PARP15: variants seen among roughly 807,000 people sequenced by gnomAD.
The protein encoded by PARP15 is poly(ADP-ribose) polymerase family member 15, also known as protein mono-ADP-ribosyltransferase PARP15.
In PARP15, 50 loss-of-function variants were observed where a neutral mutation model predicts 62.1. The ratio of observed to expected loss-of-function variants is 0.81; its 90% CI spans 0.64 to 1.02. The LOEUF (loss-of-function observed/expected upper bound fraction) is 1.02. Ranked by LOEUF, PARP15 falls within the 50% of genes least tolerant of loss-of-function variation. The probability of loss-of-function intolerance (pLI) is 0.00; values close to 1 mark genes in which losing one functional copy is unlikely to be tolerated. For synonymous variants in PARP15, 309 were observed against 293.1 expected (o/e 1.05, Z -0.55); for missense variants, 820 against 826.5 (o/e 0.99, Z 0.10).
Position 122,580,484 on chromosome 3 carries a change from T to C in PARP15, c.186+2631T>C, listed in dbSNP as rs184709164. ...TTTTTAAAAATAATGATAAAATGCA[T>C]ATAACATCAGATTTACCGTCTTAAC... is the stretch of plus-strand genomic sequence containing the variant. On this transcript the variant is annotated intron_variant, in intron 1 of 11. Transcript: ENST00000464300. Among the ~76,000 whole-genome samples, 5 of 152,338 alleles carry C rather than the reference T, an allele frequency of 3.3e-5. No individual in the cohort carries two copies. In the East Asian group the frequency reaches 7.7e-4, roughly 23 times the overall value.
intron 8 of PARP15, among the ~76,000 whole-genome samples, chr3:122,625,259 G>A (rs558832509): frequency 6.6e-6 from 1 of 151,834 alleles, no homozygotes; most frequent in East Asian, 1.9e-4. Flanking sequence ...TTGTTTTTTT[G>A]TTGTTGTTTT....
intron 9 of PARP15, among the ~76,000 whole-genome samples, chr3:122,627,780 C>T (rs1386501360): frequency 6.6e-6 from 1 of 152,230 alleles, no homozygotes; most frequent in Non-Finnish European, 1.5e-5. Context: ...AATGTCAGTT[C>T]TCTCTACATT....
At chr3:122,596,632 G>T (rs952037646) in intron 1 of PARP15, among the ~76,000 whole-genome samples, 1 of 152,130 alleles carries the variant, frequency 6.6e-6, no homozygotes, top group African/African-American at 2.4e-5. Context: ...AAAGCATTTA[G>T]AAAATGGAAT....
At chr3:122,635,691 G>A in intron 11 of PARP15, 120 bp from the exon 12 acceptor site, 8 of 1,135,224 alleles carry the variant, frequency 7.0e-6, no homozygotes, top group Non-Finnish European at 9.9e-6. Flanking sequence ...GGGATTACAG[G>A]CATGAGCCAA....
chr3:122,635,250 T>G (rs1386800092), intron 11 of PARP15, 56 bp downstream of exon 11: 4 of 1,532,510 alleles, frequency 2.6e-6, no homozygotes, highest in Middle Eastern at 1.7e-4. Flanking sequence ...GTCTCAGACT[T>G]TTCATACCCA....
Position 122,606,653 on chromosome 3 carries a change from G to A in PARP15, c.306+598G>A, listed in dbSNP as rs573086770. On this transcript the variant is annotated intron_variant, in intron 2 of 11. Coordinates refer to ENST00000464300, the MANE Select transcript of PARP15 (RefSeq NM_001113523.3). ...TCCTGGCTGCAGATCATAATCATCC[G>A]GGGGACCTTTTAAAAATACGGACTC... 5.0e-4 allele frequency among the ~76,000 whole-genome samples: 76 copies of A among 152,202 alleles called. No individual in the cohort carries two copies. In the Middle Eastern group the frequency reaches 0.014, roughly 27 times the overall value.
At chr3:122,589,429 C>A (rs940625082) in intron 1 of PARP15, among the ~76,000 whole-genome samples, 1 of 152,134 alleles carries the variant, frequency 6.6e-6, no homozygotes, top group Non-Finnish European at 1.5e-5. Context: ...TATGTTTTCA[C>A]GCCTCTTGGG....
At chr3:122,629,151 T>C (rs1936912162) in intron 9 of PARP15, among the ~76,000 whole-genome samples, 1 of 151,952 alleles carries the variant, frequency 6.6e-6, no homozygotes, top group Non-Finnish European at 1.5e-5. Flanking sequence ...GAACCAGGGA[T>C]CTTGTTTGTT....
At chr3:122,634,156 G>A (rs1053642175) in intron 10 of PARP15, among the ~76,000 whole-genome samples, 3 of 152,142 alleles carry the variant, frequency 2.0e-5, no homozygotes, top group African/African-American at 4.8e-5. Context: ...TTCTTCCTCT[G>A]TTTCCAGAAC....
At chr3:122,591,630 G>A (rs7644080) in intron 1 of PARP15, among the ~76,000 whole-genome samples, 118,576 of 151,966 alleles carry the variant, frequency 0.78, 46,496 homozygotes, top group East Asian at 0.9. Context: ...GCATGGTGGC[G>A]CATGCCTGTA....
At chr3:122,598,146 A>C (rs1400993811) in intron 1 of PARP15, among the ~76,000 whole-genome samples, 2 of 152,224 alleles carry the variant, frequency 1.3e-5, no homozygotes, top group African/African-American at 4.8e-5. Context: ...AAAAAGGATT[A>C]GGGGATGGGA....
At chr3:122,623,932 G>C (rs1395332017) in intron 8 of PARP15, among the ~76,000 whole-genome samples, 2 of 152,084 alleles carry the variant, frequency 1.3e-5, no homozygotes, top group African/African-American at 4.8e-5. Flanking sequence ...TCACTTGATT[G>C]CTTGAGGTCA....
In PARP15 at chr3:122,635,946, G is replaced by A. The variant is rs780307209; in HGVS notation, c.1883G>A (p.Gly628Glu). ...GTACTTACTGGAGTCTTCACAAAGG[G>A]ACGTGCAGGATTAGTCACCCCTCCA... ...VRVLTGVFTK[G>E]RAGLVTPPPK... Residue 628 changes from glycine (G) to glutamate (E), a missense_variant, in exon 12 of 12, where the codon GGA (glycine) becomes GAA (glutamate). Gly to Glu is a moderately conservative substitution (Grantham distance 98). Transcript: ENST00000464300. The A allele has an allele frequency of 6.2e-7, 1 of 1,614,110 alleles. No homozygotes were observed. Among genetic ancestry groups the A allele is most frequent in the Non-Finnish European group, 8.5e-7 (1 of 1,180,020 alleles).
chr3:122,580,001 A>ATATATATG lies in PARP15; in HGVS notation c.186+2155_186+2156insGTATATAT, dbSNP rs1553725419. Among the ~76,000 whole-genome samples, 36 of 62,176 alleles carry ATATATATG rather than the reference A, an allele frequency of 5.8e-4. 1 individual carries two copies. The highest frequency in any genetic ancestry group is 3.4e-4 in the African/African-American group (7 of 20,484). The allele number at this position is 62,176 out of a possible 152,430, so 40.8% of individuals were successfully genotyped here. Reference sequence around the variant, plus strand: ...CTGAACAACAACAGCAACTATATGTATATATATATATATATATATATATAT... The same window carrying ATATATATG: ...CTGAACAACAACAGCAACTATATGTATATATATGTATATATATATATATATATATATAT... On this transcript the variant is annotated intron_variant, in intron 1 of 11. Coordinates refer to ENST00000464300, the MANE Select transcript of PARP15 (RefSeq NM_001113523.3).
intron 10 of PARP15, among the ~76,000 whole-genome samples, chr3:122,633,243 AG>A (rs1240800943): frequency 6.6e-6 from 1 of 152,236 alleles, no homozygotes; most frequent in Non-Finnish European, 1.5e-5. Context: ...CTCAGTACCT[AG>A]GAAGCTGTCT....
chr3:122,584,152 C>T (rs976335731), intron 1 of PARP15, among the ~76,000 whole-genome samples: 1 of 152,156 alleles, frequency 6.6e-6, no homozygotes, highest in African/African-American at 2.4e-5. Context: ...TTTTAGATAT[C>T]TTTTAACAAA....
intron 1 of PARP15, among the ~76,000 whole-genome samples, chr3:122,583,375 C>T (rs1036519299): frequency 6.6e-6 from 1 of 151,968 alleles, no homozygotes; most frequent in East Asian, 1.9e-4. Flanking sequence ...GATCCACCCA[C>T]TTCGGCCTCC....
chr3:122,608,361 G>C (rs1201361842), intron 2 of PARP15, among the ~76,000 whole-genome samples: 1 of 151,418 alleles, frequency 6.6e-6, no homozygotes, highest in South Asian at 2.1e-4. Flanking sequence ...GATTATAGGC[G>C]CCCACCACCA....
intron 3 of PARP15, among the ~76,000 whole-genome samples, chr3:122,612,498 G>A (rs998340461): frequency 9.2e-5 from 14 of 151,634 alleles, no homozygotes; most frequent in East Asian, 3.9e-4. Flanking sequence ...GTACAGTGGC[G>A]CAATCTTGGC....
Sources: gnomAD v4.1 joint callset for allele counts (sites outside exome capture counted in the v4.1 genomes callset) on GRCh38, gnomAD v4.1.1 for gene constraint, MANE v1.5 for transcripts, NCBI Gene and HGNC (gene_info 2026-07-23, HGNC 2026-07-21) for gene names.